The following WDR70 variants were observed in gnomAD, a reference collection of about 807,000 sequenced individuals.
The protein encoded by WDR70 is WD repeat domain 70, also known as WD repeat-containing protein 70.
Under a neutral mutation model 88.6 loss-of-function variants are expected in WDR70, and 53 were observed. That is an observed-to-expected ratio of 0.60 (90% confidence interval 0.48 to 0.75). WDR70 has a LOEUF of 0.75. Ranked by LOEUF, WDR70 falls within the 30% of genes least tolerant of loss-of-function variation. The pLI is 0.00. For synonymous variants in WDR70, 280 were observed against 270.0 expected (o/e 1.04, Z -0.36); for missense variants, 610 against 823.2 (o/e 0.74, Z 3.17).
chr5:37,433,067 T>A (rs1302415894), intron 5 of WDR70, among the ~76,000 whole-genome samples: 1 of 151,990 alleles, frequency 6.6e-6, no homozygotes, highest in Non-Finnish European at 1.5e-5. Context: ...AATCTCAGAT[T>A]TTTTTTTGTT....
intron 17 of WDR70, among the ~76,000 whole-genome samples, chr5:37,742,664 G>A (rs945424702): frequency 2.6e-5 from 4 of 152,144 alleles, no homozygotes; most frequent in African/African-American, 9.7e-5. Flanking sequence ...CAAATCTAAT[G>A]TCTGTGTTTT....
rs542307127 is a variant in WDR70 at position 37,453,547 on chromosome 5, G to A, written c.686+10175G>A. Among the ~76,000 whole-genome samples, 474 of 152,304 alleles carry A rather than the reference G, an allele frequency of 3.1e-3. 1 individual carries two copies. Among genetic ancestry groups the A allele is most frequent in the African/African-American group, 0.011 (444 of 41,562 alleles). ...GCCAGGTGTTCCTTGCCCTCATTCC[G>A]GTAAACCCACAACCTTCCAGCGTGG... On this transcript the variant is annotated intron_variant, in intron 7 of 17. Coordinates refer to ENST00000265107, the MANE Select transcript of WDR70 (RefSeq NM_018034.4).
chr5:37,692,843 A>G (rs1746847249), intron 10 of WDR70, among the ~76,000 whole-genome samples: 1 of 152,160 alleles, frequency 6.6e-6, no homozygotes, highest in Admixed American at 6.6e-5. Flanking sequence ...CCTATTCAAT[A>G]TAGTATTGGA....
At chr5:37,602,644 A>G (rs1344842939) in intron 9 of WDR70, among the ~76,000 whole-genome samples, 2 of 151,666 alleles carry the variant, frequency 1.3e-5, no homozygotes, top group East Asian at 1.9e-4. Flanking sequence ...AGAAAAAAAA[A>G]AGGAAAGAAA....
chr5:37,672,899 C>T (rs1746071944), intron 10 of WDR70, among the ~76,000 whole-genome samples: 1 of 152,160 alleles, frequency 6.6e-6, no homozygotes, highest in South Asian at 2.1e-4. Flanking sequence ...CATCTTCTGA[C>T]TTTTACTTCA....
intron 8 of WDR70, among the ~76,000 whole-genome samples, chr5:37,511,620 C>G (rs1306662008): frequency 6.6e-6 from 1 of 152,114 alleles, no homozygotes; most frequent in Admixed American, 6.6e-5. Flanking sequence ...TCTTAACATA[C>G]AGAATTAGAG....
At chr5:37,748,278 A>G (rs1367355330) in intron 17 of WDR70, among the ~76,000 whole-genome samples, 1 of 151,756 alleles carries the variant, frequency 6.6e-6, no homozygotes, top group Admixed American at 6.6e-5. Flanking sequence ...CATATAGACC[A>G]ATGAAGCAGA....
At chr5:37,557,956 T>TACTCTGTTGAATACTCTTCAAAAGAGA (rs1561900797) in intron 9 of WDR70, among the ~76,000 whole-genome samples, 1 of 145,032 alleles carries the variant, frequency 6.9e-6, no homozygotes, top group Non-Finnish European at 1.6e-5. Flanking sequence ...TTCAAAAGAG[T>TACTCTGTTGAATACTCTTCAAAAGAGA]ATTATGTATA....
At chr5:37,702,463 TC>T (rs1290357785) in intron 12 of WDR70, among the ~76,000 whole-genome samples, 1 of 152,236 alleles carries the variant, frequency 6.6e-6, no homozygotes, top group Non-Finnish European at 1.5e-5. Context: ...TTCATGGTGC[TC>T]AACTTGATAT....
intron 17 of WDR70, among the ~76,000 whole-genome samples, chr5:37,731,369 A>G (rs1748139055): frequency 6.6e-6 from 1 of 152,202 alleles, no homozygotes; most frequent in Non-Finnish European, 1.5e-5. Flanking sequence ...TTAATAAACA[A>G]TACAGATGGA....
intron 8 of WDR70, among the ~76,000 whole-genome samples, chr5:37,492,739 C>T (rs1740102840): frequency 6.6e-6 from 1 of 152,276 alleles, no homozygotes; most frequent in East Asian, 1.9e-4. Flanking sequence ...TTTCTTCTTG[C>T]TCCGTATAGT....
intron 4 of WDR70, among the ~76,000 whole-genome samples, chr5:37,393,614 G>A (rs1748916349): frequency 1.3e-5 from 2 of 151,868 alleles, no homozygotes; most frequent in Middle Eastern, 3.4e-3. Context: ...TTGACCCTTT[G>A]GTCATTTGGA....
At chr5:37,489,150 A>G (rs560423141) in intron 8 of WDR70, among the ~76,000 whole-genome samples, 1 of 152,350 alleles carries the variant, frequency 6.6e-6, no homozygotes, top group South Asian at 2.1e-4. Flanking sequence ...TGGCAATGCC[A>G]GGTGGGCCAG....
intron 7 of WDR70, among the ~76,000 whole-genome samples, chr5:37,464,979 A>T (rs1739111997): frequency 6.6e-6 from 1 of 152,226 alleles, no homozygotes; most frequent in African/African-American, 2.4e-5. Flanking sequence ...TAGACAGGAA[A>T]GGATGAATTC....
intron 9 of WDR70, among the ~76,000 whole-genome samples, chr5:37,559,394 A>T (rs1262593855): frequency 6.6e-6 from 1 of 151,714 alleles, no homozygotes; most frequent in African/African-American, 2.4e-5. Context: ...TTCCTCCCCC[A>T]CTTTTCCTCT....
In WDR70 at chr5:37,654,389, C is replaced by T. The variant is rs191766480; in HGVS notation, c.1093-43266C>T. 1.7e-4 allele frequency among the ~76,000 whole-genome samples: 26 copies of T among 152,180 alleles called. 1 individual carries two copies. In the East Asian group the frequency reaches 2.7e-3, roughly 16 times the overall value. ...TATGTGGTCAATTTTAGAATAAGTG[C>T]GATGGGGTGCTGAGAAGAATGTATG... On this transcript the variant is annotated intron_variant, in intron 10 of 17. Coordinates refer to ENST00000265107, the MANE Select transcript of WDR70 (RefSeq NM_018034.4).
At chr5:37,461,118 A>T (rs200538121) in intron 7 of WDR70, among the ~76,000 whole-genome samples, 7 of 97,528 alleles carry the variant, frequency 7.2e-5, no homozygotes, top group African/African-American at 1.7e-4. Context: ...AAAAAAAAAA[A>T]AAAAAAATAA....
At chr5:37,410,242 T>C (rs1749485238) in intron 5 of WDR70, among the ~76,000 whole-genome samples, 1 of 150,718 alleles carries the variant, frequency 6.6e-6, no homozygotes, top group Admixed American at 6.6e-5. Context: ...TCTTCCCATG[T>C]TGCCAAGGCT....
intron 9 of WDR70, among the ~76,000 whole-genome samples, chr5:37,578,675 G>C (rs555688898): frequency 2.6e-5 from 4 of 152,198 alleles, no homozygotes; most frequent in African/African-American, 9.6e-5. Context: ...AAAATTATTT[G>C]AGCTTATTTG....
Sources: allele counts gnomAD v4.1 joint callset (sites outside exome capture counted in the v4.1 genomes callset), GRCh38; gene constraint gnomAD v4.1.1; transcripts MANE v1.5; gene names NCBI Gene and HGNC (gene_info 2026-07-23, HGNC 2026-07-21).